The following ZSCAN25 variants were observed in gnomAD, a reference collection of about 807,000 sequenced individuals.
ZSCAN25 encodes the protein zinc finger and SCAN domain containing 25.
A neutral mutation model predicts 38.7 loss-of-function variants in ZSCAN25; 27 were observed. The ratio of observed to expected loss-of-function variants is 0.70; its 90% CI spans 0.51 to 0.96. ZSCAN25 has a LOEUF of 0.96. Among genes scored for constraint, ZSCAN25 ranks in the 40% least tolerant of loss-of-function variants. ZSCAN25 has a pLI of 0.00. For missense variants in ZSCAN25, 637 were observed against 705.9 expected, an observed-to-expected ratio of 0.90 and a Z score of 1.11; for synonymous variants, 273 against 277.7, an observed-to-expected ratio of 0.98 and a Z score of 0.17.
At chr7:99,726,157 C>T in the ZSCAN25 span, among the ~76,000 whole-genome samples, 14 of 152,222 alleles carry the variant, frequency 9.2e-5, no homozygotes, top group African/African-American at 3.4e-4. Context: ...CCACCTTAAC[C>T]CACAGGTATG....
the ZSCAN25 span, chr7:99,710,947 G>C: frequency 1.9e-6 from 3 of 1,611,880 alleles, no homozygotes; most frequent in Non-Finnish European, 2.5e-6. Flanking sequence ...GGGCATCACA[G>C]TTTAGATGAA....
At chr7:99,693,350 G>T in the ZSCAN25 span, among the ~76,000 whole-genome samples, 2 of 152,216 alleles carry the variant, frequency 1.3e-5, no homozygotes, top group African/African-American at 2.4e-5. Flanking sequence ...CTACAGGGGG[G>T]TCAGGAACAC....
the ZSCAN25 span, among the ~76,000 whole-genome samples, chr7:99,711,799 C>CAAA: frequency 6.6e-6 from 1 of 151,802 alleles, no homozygotes; most frequent in East Asian, 1.9e-4. Context: ...ACAACAACAA[C>CAAA]AAAAACAGAA....
the ZSCAN25 span, among the ~76,000 whole-genome samples, chr7:99,691,998 T>C: frequency 4.6e-5 from 7 of 152,366 alleles, no homozygotes; most frequent in Non-Finnish European, 1.0e-4. Flanking sequence ...ATCGATGGTC[T>C]TTACCATTTG....
the ZSCAN25 span, among the ~76,000 whole-genome samples, chr7:99,656,467 G>A: frequency 2.0e-5 from 3 of 152,184 alleles, no homozygotes; most frequent in Non-Finnish European, 4.4e-5. Flanking sequence ...TTGATGTGCT[G>A]CTGGATTCGG....
At chr7:99,717,440 G>C in the ZSCAN25 span, 1 of 1,589,092 alleles carries the variant, frequency 6.3e-7, no homozygotes, top group Non-Finnish European at 8.6e-7. Flanking sequence ...ACTACTCCTC[G>C]GAAAGGAACT....
At chr7:99,663,618 C>G in the ZSCAN25 span, 1 of 1,000,210 alleles carries the variant, frequency 1.0e-6, no homozygotes, top group Non-Finnish European at 1.2e-6. Flanking sequence ...CTTTACCAAT[C>G]TGTGATATGA....
chr7:99,708,420 C>T, the ZSCAN25 span, among the ~76,000 whole-genome samples: 1 of 152,056 alleles, frequency 6.6e-6, no homozygotes, highest in Non-Finnish European at 1.5e-5. Flanking sequence ...CCTCTCGTCT[C>T]TTGTTTTTCT....
chr7:99,711,023 T>C, the ZSCAN25 span: 3 of 1,470,502 alleles, frequency 2.0e-6, no homozygotes, highest in Non-Finnish European at 1.8e-6. Context: ...AGAGTCTCAC[T>C]GGGGGTGGTT....
the ZSCAN25 span, chr7:99,676,331 C>T: frequency 6.4e-7 from 1 of 1,558,162 alleles, no homozygotes; most frequent in South Asian, 1.1e-5. Context: ...TAAATAATAA[C>T]AGCAACTCCA....
the ZSCAN25 span, among the ~76,000 whole-genome samples, chr7:99,646,998 G>A: frequency 6.6e-6 from 1 of 152,214 alleles, no homozygotes; most frequent in African/African-American, 2.4e-5. Context: ...ATTAATGCTA[G>A]CTTTCTCCCT....
the ZSCAN25 span, among the ~76,000 whole-genome samples, chr7:99,698,427 A>G: frequency 5.9e-5 from 9 of 152,288 alleles, no homozygotes; most frequent in African/African-American, 2.2e-4. Flanking sequence ...GAGCTGAGGA[A>G]TATTTTCTTA....
the ZSCAN25 span, chr7:99,666,986 A>G: frequency 8.1e-6 from 13 of 1,614,000 alleles, no homozygotes; most frequent in Non-Finnish European, 1.1e-5. Flanking sequence ...GGTTGGAGAC[A>G]GCAATGACCG....
At chr7:99,677,185 T>A in the ZSCAN25 span, 1 of 985,414 alleles carries the variant, frequency 1.0e-6, no homozygotes, top group Non-Finnish European at 1.2e-6. Flanking sequence ...CTCCAACTGA[T>A]GGTTCTGGAT....
At chr7:99,682,780 G>C in the ZSCAN25 span, among the ~76,000 whole-genome samples, 25 of 151,676 alleles carry the variant, frequency 1.6e-4, no homozygotes, top group Admixed American at 4.6e-4. Context: ...CTTCTTTTTT[G>C]TGTCTTCTTC....
the ZSCAN25 span, chr7:99,660,067 C>T: frequency 5.3e-6 from 2 of 376,122 alleles, no homozygotes; most frequent in African/African-American, 4.4e-5. Flanking sequence ...ACTGCACCCA[C>T]TGTCCTGCAC....
the ZSCAN25 span, among the ~76,000 whole-genome samples, chr7:99,638,921 C>T: frequency 2.0e-5 from 3 of 152,242 alleles, no homozygotes; most frequent in Non-Finnish European, 4.4e-5. Flanking sequence ...CTGTCGCTCA[C>T]TCGGGCATCA....
chr7:99,654,358 T>C, the ZSCAN25 span, among the ~76,000 whole-genome samples: 4,467 of 152,260 alleles, frequency 0.029, 215 homozygotes, highest in African/African-American at 0.1. Flanking sequence ...TGCCATAGTT[T>C]GCTGAGAATG....
the ZSCAN25 span, chr7:99,650,231 A>T: frequency 6.2e-7 from 1 of 1,612,984 alleles, no homozygotes; most frequent in Non-Finnish European, 8.5e-7. Context: ...TTCTTACTGA[A>T]CCTAGTTCCA....
Sources: allele counts gnomAD v4.1 joint callset (sites outside exome capture counted in the v4.1 genomes callset), GRCh38; gene constraint gnomAD v4.1.1; transcripts MANE v1.5; gene names NCBI Gene and HGNC (gene_info 2026-07-23, HGNC 2026-07-21).